QRFPR: variants seen among roughly 807,000 people sequenced by gnomAD.
QRFPR encodes the protein pyroglutamylated RF-amide peptide receptor.
In QRFPR, 37 loss-of-function variants were observed where a neutral mutation model predicts 31.3. The ratio of observed to expected loss-of-function variants is 1.18; its 90% CI spans 0.91 to 1.56. QRFPR has a LOEUF of 1.56. Ranked by LOEUF, QRFPR falls within the 40% of genes most tolerant of loss-of-function variation. The probability of loss-of-function intolerance (pLI) is 0.00; values close to 1 mark genes in which losing one functional copy is unlikely to be tolerated. For synonymous variants in QRFPR, 197 were observed against 192.0 expected (o/e 1.03, Z -0.22); for missense variants, 542 against 532.5 (o/e 1.02, Z -0.18).
chr4:121,365,509 AATATATATTATATATATT>A (rs1726078784), intron 1 of QRFPR, among the ~76,000 whole-genome samples: 1 of 3,112 alleles, frequency 3.2e-4, no homozygotes, highest in Non-Finnish European at 4.4e-4. Flanking sequence ...TAATATATAT[AATATATATTATATATATT>A]ATATATAATA....
At position 121,380,659 on chromosome 4, in the gene QRFPR, C is replaced by T. The variant is rs1469813352; in HGVS notation, c.-12G>A. 2 of 1,497,578 alleles carry T rather than the reference C, an allele frequency of 1.3e-6. No homozygotes were observed. Among genetic ancestry groups the T allele is most frequent in the Non-Finnish European group, 1.8e-6 (2 of 1,119,490 alleles). 92.8% of individuals were successfully genotyped at this position (1,497,578 alleles called of 1,614,324 possible). A position where few individuals can be genotyped will look rare whatever the true frequency, so the allele number is the denominator to read the frequency against. Reference sequence around the variant, plus strand: ...TTAAGCGCCTGCATTGCTGTGCGCTCCCGGGACGCGGGGCCACCGCCCGCT... The same window carrying T: ...TTAAGCGCCTGCATTGCTGTGCGCTTCCGGGACGCGGGGCCACCGCCCGCT... On this transcript the variant is annotated 5_prime_UTR_variant, in exon 1 of 6. Transcript: ENST00000394427.
At chr4:121,335,074 A>G (rs1044560742) in intron 3 of QRFPR, among the ~76,000 whole-genome samples, 1 of 152,176 alleles carries the variant, frequency 6.6e-6, no homozygotes, top group Non-Finnish European at 1.5e-5. Flanking sequence ...TCCTGACAGG[A>G]AGCAACTTTG....
rs1560744329 is a variant in QRFPR, at chr4:121,365,665, T to TATATA, written c.340+14642_340+14643insTATAT. ...TTTATATATTATATATTATATATAT[T>TATATA]TTATATATTATATATATATATAAAA... On this transcript the variant is annotated intron_variant, in intron 1 of 5. Coordinates refer to ENST00000394427, the MANE Select transcript of QRFPR (RefSeq NM_198179.3). 6.8e-4 allele frequency among the ~76,000 whole-genome samples: 13 copies of TATATA among 19,026 alleles called. 2 individuals are homozygous for TATATA. Among genetic ancestry groups the TATATA allele is most frequent in the African/African-American group, 3.0e-3 (12 of 3,956 alleles). The allele number at this position is 19,026 out of a possible 152,430, so 12.5% of individuals were successfully genotyped here. A position where few individuals can be genotyped will look rare whatever the true frequency, so the allele number is the denominator to read the frequency against.
Position 121,338,757 on chromosome 4 carries a change from G to A in QRFPR, c.499+1695C>T, listed in dbSNP as rs144841396. On this transcript the variant is annotated intron_variant, in intron 2 of 5. Coordinates refer to ENST00000394427, the MANE Select transcript of QRFPR (RefSeq NM_198179.3). ...CACAGTTCACAAAAGCCCCCATGGC[G>A]AGATGAGTCTAGTTGATTTTAAAAC... is the stretch of plus-strand genomic sequence containing the variant. 5.9e-5 allele frequency among the ~76,000 whole-genome samples: 9 copies of A among 152,330 alleles called. No individual in the cohort carries two copies. The East Asian group carries it at 1.2e-3, about 20-fold the overall frequency.
intron 1 of QRFPR, among the ~76,000 whole-genome samples, chr4:121,344,348 C>T (rs866121254): frequency 2.0e-5 from 3 of 152,144 alleles, no homozygotes; most frequent in Admixed American, 1.3e-4. Flanking sequence ...TGTCTACCTG[C>T]TCATAAATCA....
intron 4 of QRFPR, among the ~76,000 whole-genome samples, chr4:121,332,369 A>T (rs552803274): frequency 6.6e-6 from 1 of 152,354 alleles, no homozygotes; most frequent in South Asian, 2.1e-4. Flanking sequence ...ATTTTCATAC[A>T]GATCAATCTC....
chr4:121,353,070 A>G (rs1348450697), intron 1 of QRFPR, among the ~76,000 whole-genome samples: 2 of 152,040 alleles, frequency 1.3e-5, no homozygotes, highest in Admixed American at 6.6e-5. Flanking sequence ...TGGCTGAATA[A>G]TATTCCATTG....
intron 1 of QRFPR, chr4:121,369,305 A>C: frequency 4.2e-6 from 2 of 471,396 alleles, no homozygotes; most frequent in Middle Eastern, 5.2e-4. Context: ...TTGGGATTAC[A>C]GGCGTGAGCC....
chr4:121,337,724 T>TA (rs112052911), intron 2 of QRFPR, among the ~76,000 whole-genome samples: 103 of 148,118 alleles, frequency 7.0e-4, no homozygotes, highest in South Asian at 6.9e-3. Flanking sequence ...AGTATAATAA[T>TA]AAAAAAAAAA....
chr4:121,335,044 A>C (rs747876088), intron 3 of QRFPR, among the ~76,000 whole-genome samples: 11 of 152,180 alleles, frequency 7.2e-5, no homozygotes, highest in Admixed American at 2.0e-4. Flanking sequence ...ATATTAATAC[A>C]TTTGTTTAAT....
Position 121,328,655 on chromosome 4 carries a change from G to T in QRFPR, c.*659C>A, listed in dbSNP as rs1403959539. Among the ~76,000 whole-genome samples, 1 of 152,202 alleles carries T rather than the reference G, an allele frequency of 6.6e-6. No individual in the cohort carries two copies. The highest frequency in any genetic ancestry group is 2.4e-5 in the African/African-American group (1 of 41,446). On this transcript the variant is annotated 3_prime_UTR_variant, in exon 6 of 6. Transcript: ENST00000394427. ...TAGCAATACATAGTCACATTACAGTGACTGCGTGGGAGAAAAACTGCTAGC... is the reference window on the plus strand; with the variant it reads ...TAGCAATACATAGTCACATTACAGTTACTGCGTGGGAGAAAAACTGCTAGC...
At chr4:121,353,033 T>C (rs572326030) in intron 1 of QRFPR, among the ~76,000 whole-genome samples, 95 of 152,072 alleles carry the variant, frequency 6.2e-4, no homozygotes, top group Non-Finnish European at 1.1e-3. Flanking sequence ...TATGCTGTTC[T>C]GAATAACAGA....
At chr4:121,351,803 G>T (rs981650157) in intron 1 of QRFPR, among the ~76,000 whole-genome samples, 2 of 150,220 alleles carry the variant, frequency 1.3e-5, no homozygotes, top group African/African-American at 2.4e-5. Flanking sequence ...GTACTCAGTT[G>T]TTCACCAAAG....
At chr4:121,343,072 C>T (rs367582583) in intron 1 of QRFPR, among the ~76,000 whole-genome samples, 54 of 152,308 alleles carry the variant, frequency 3.5e-4, no homozygotes, top group African/African-American at 1.2e-3. Flanking sequence ...CATGGCCATG[C>T]ACCAGGCAGA....
At chr4:121,336,683 C>G (rs919150713) in intron 3 of QRFPR, 124 bp downstream of exon 3, 7 of 779,710 alleles carry the variant, frequency 9.0e-6, no homozygotes, top group Non-Finnish European at 1.4e-5. Flanking sequence ...TAAAAGACCT[C>G]CAGTGGAATA....
rs113628663 is a variant in QRFPR, at chr4:121,355,766, T to C, written c.341-15156A>G. ...GTTTTGGTATGTTGTGTTTCCATTT[T>C]TATTTGTTTTAAGAAATTTTAAAAA... is the stretch of plus-strand genomic sequence containing the variant. On this transcript the variant is annotated intron_variant, in intron 1 of 5. Coordinates refer to ENST00000394427, the MANE Select transcript of QRFPR (RefSeq NM_198179.3). Among the ~76,000 whole-genome samples the C allele has an allele frequency of 5.7e-3, 870 of 152,190 alleles. 12 individuals carry two copies. The highest frequency in any genetic ancestry group is 0.02 in the African/African-American group (838 of 41,564).
At position 121,328,776 on chromosome 4, in the gene QRFPR, C is replaced by T. The variant is rs764101530; in HGVS notation, c.*538G>A. On this transcript the variant is annotated 3_prime_UTR_variant, in exon 6 of 6. Transcript: ENST00000394427. ...TTTTTCAAAAAAATTTTTTTTGAGA[C>T]GGGGAGTCTCGCTCTTTCGCCCAGG... Among the ~76,000 whole-genome samples the T allele has an allele frequency of 2.0e-5, 3 of 152,000 alleles. No individual in the cohort carries two copies. The highest frequency in any genetic ancestry group is 1.3e-4 in the Admixed American group (2 of 15,262).
intron 1 of QRFPR, among the ~76,000 whole-genome samples, chr4:121,344,291 G>A (rs10518387): frequency 0.26 from 39,221 of 151,972 alleles, 5,728 homozygotes; most frequent in Non-Finnish European, 0.34. Context: ...CTTCCATTAC[G>A]TCACCCTCAC....
At chr4:121,347,995 TA>T (rs1383624717) in intron 1 of QRFPR, among the ~76,000 whole-genome samples, 1 of 152,150 alleles carries the variant, frequency 6.6e-6, no homozygotes, top group Admixed American at 6.5e-5. Flanking sequence ...AACTTTTTTA[TA>T]GAGTATTTTT....
Sources: allele counts gnomAD v4.1 joint callset (sites outside exome capture counted in the v4.1 genomes callset), GRCh38; gene constraint gnomAD v4.1.1; transcripts MANE v1.5; gene names NCBI Gene and HGNC (gene_info 2026-07-23, HGNC 2026-07-21).